SLC25A21: variants seen among roughly 807,000 people sequenced by gnomAD.
SLC25A21 encodes solute carrier family 25 member 21, also known as mitochondrial 2-oxodicarboxylate carrier.
Under a neutral mutation model 43.8 loss-of-function variants are expected in SLC25A21, and 47 were observed. The observed-to-expected ratio is 1.07, with a 90% CI of 0.85 to 1.37. SLC25A21 has a LOEUF of 1.37. Among genes scored for constraint, SLC25A21 ranks in the 40% most tolerant of loss-of-function variants. The pLI, the probability that SLC25A21 is intolerant of heterozygous loss-of-function variation, is 0.00. For synonymous variants in SLC25A21, 131 were observed against 121.3 expected (o/e 1.08, Z -0.52); for missense variants, 352 against 350.2 (o/e 1.00, Z -0.04).
At chr14:37,090,600 A>G (rs1353113189) in intron 1 of SLC25A21, among the ~76,000 whole-genome samples, 2 of 151,948 alleles carry the variant, frequency 1.3e-5, no homozygotes, top group Admixed American at 1.3e-4. Flanking sequence ...ATTTCAGAGA[A>G]GCTAGAAAAG....
At chr14:36,829,858 C>T (rs1361236200) in intron 2 of SLC25A21, among the ~76,000 whole-genome samples, 1 of 152,168 alleles carries the variant, frequency 6.6e-6, no homozygotes, top group Non-Finnish European at 1.5e-5. Flanking sequence ...AGTACACCTT[C>T]ATATTTTCTG....
chr14:37,039,097 T>A (rs1961390478), intron 1 of SLC25A21, among the ~76,000 whole-genome samples: 2 of 152,066 alleles, frequency 1.3e-5, no homozygotes, highest in Admixed American at 1.3e-4. Context: ...AGCTATCAAG[T>A]AAGGAACAAG....
At chr14:36,933,364 G>A (rs1043396011) in intron 1 of SLC25A21, among the ~76,000 whole-genome samples, 7 of 152,058 alleles carry the variant, frequency 4.6e-5, no homozygotes, top group Non-Finnish European at 7.4e-5. Context: ...ATCCCCTGAA[G>A]GCTATGCTAC....
At chr14:36,899,145 T>C (rs1891332626) in intron 1 of SLC25A21, among the ~76,000 whole-genome samples, 1 of 152,094 alleles carries the variant, frequency 6.6e-6, no homozygotes, top group Non-Finnish European at 1.5e-5. Flanking sequence ...ATCCCAGCAC[T>C]ATGGGAGGCC....
intron 1 of SLC25A21, among the ~76,000 whole-genome samples, chr14:37,028,668 T>G (rs963223277): frequency 3.3e-5 from 5 of 152,198 alleles, no homozygotes; most frequent in African/African-American, 1.2e-4. Context: ...AACATTAAAG[T>G]ATTTTTGAAC....
intron 1 of SLC25A21, among the ~76,000 whole-genome samples, chr14:36,998,123 A>C (rs1960412111): frequency 6.6e-6 from 1 of 152,178 alleles, no homozygotes; most frequent in Non-Finnish European, 1.5e-5. Flanking sequence ...TTATTATTTT[A>C]AGTTTCTATT....
intron 7 of SLC25A21, among the ~76,000 whole-genome samples, chr14:36,697,225 T>C (rs910271566): frequency 6.6e-6 from 1 of 152,188 alleles, no homozygotes; most frequent in African/African-American, 2.4e-5. Context: ...CAGTTTTGAG[T>C]GAGTTTCTTA....
intron 7 of SLC25A21, among the ~76,000 whole-genome samples, chr14:36,706,286 C>T (rs921194065): frequency 3.9e-5 from 6 of 152,306 alleles, no homozygotes; most frequent in African/African-American, 1.2e-4. Flanking sequence ...AATTACTTTG[C>T]ATATTATTTG....
chr14:36,893,396 G>GTTTGTT (rs538777752), intron 1 of SLC25A21, among the ~76,000 whole-genome samples: 3 of 150,982 alleles, frequency 2.0e-5, no homozygotes, highest in East Asian at 1.9e-4. Context: ...TGATGGGGTT[G>GTTTGTT]TTTTTCTTGT....
At chr14:36,839,041 T>C (rs1566662935) in intron 2 of SLC25A21, among the ~76,000 whole-genome samples, 1 of 152,268 alleles carries the variant, frequency 6.6e-6, no homozygotes, top group Non-Finnish European at 1.5e-5. Context: ...CTACTACATT[T>C]ACTCTATTTT....
chr14:36,752,373 T>C (rs1410166150), intron 3 of SLC25A21, among the ~76,000 whole-genome samples: 3 of 152,196 alleles, frequency 2.0e-5, no homozygotes, highest in Admixed American at 2.0e-4. Context: ...ATTTACCATA[T>C]GATCCAGCAA....
intron 1 of SLC25A21, among the ~76,000 whole-genome samples, chr14:37,003,458 G>A (rs984577599): frequency 1.8e-4 from 27 of 152,146 alleles, no homozygotes; most frequent in African/African-American, 6.5e-4. Context: ...GCAAAACTGC[G>A]GATAAGAGGG....
chr14:36,876,501 C>T (rs1486330247), intron 1 of SLC25A21, among the ~76,000 whole-genome samples: 1 of 152,126 alleles, frequency 6.6e-6, no homozygotes, highest in Non-Finnish European at 1.5e-5. Flanking sequence ...GCCACAGGAT[C>T]GCTGGACATG....
At chr14:37,032,274 G>A (rs1461765597) in intron 1 of SLC25A21, among the ~76,000 whole-genome samples, 2 of 152,086 alleles carry the variant, frequency 1.3e-5, no homozygotes, top group Admixed American at 6.6e-5. Flanking sequence ...GGTGGCTCAC[G>A]CTTGTAATCC....
intron 1 of SLC25A21, among the ~76,000 whole-genome samples, chr14:36,903,812 T>A (rs1402633566): frequency 6.6e-6 from 1 of 152,102 alleles, no homozygotes; most frequent in Non-Finnish European, 1.5e-5. Context: ...TGAAGCCAGC[T>A]CCCTTGCTTC....
chr14:36,891,399 G>A (rs899834959), intron 1 of SLC25A21, among the ~76,000 whole-genome samples: 2 of 152,128 alleles, frequency 1.3e-5, no homozygotes, highest in Non-Finnish European at 1.5e-5. Flanking sequence ...TATTCACTCA[G>A]TGACTGGATT....
intron 1 of SLC25A21, among the ~76,000 whole-genome samples, chr14:37,024,842 G>C (rs1413143419): frequency 1.3e-5 from 2 of 151,850 alleles, no homozygotes; most frequent in Non-Finnish European, 2.9e-5. Flanking sequence ...TATATATCTA[G>C]CTTCAGAAAT....
chr14:37,036,952 C>T (rs2138776889), intron 1 of SLC25A21, among the ~76,000 whole-genome samples: 1 of 152,302 alleles, frequency 6.6e-6, no homozygotes, highest in Middle Eastern at 3.4e-3. Context: ...GTTTACTTAG[C>T]TAGCCCTGTC....
chr14:37,036,720 A>G (rs913693160), intron 1 of SLC25A21, among the ~76,000 whole-genome samples: 2 of 152,232 alleles, frequency 1.3e-5, no homozygotes, highest in Non-Finnish European at 2.9e-5. Context: ...TTGAAGTTCA[A>G]TTCACCCAAA....
Sources: gnomAD v4.1 joint callset for allele counts (sites outside exome capture counted in the v4.1 genomes callset) on GRCh38, gnomAD v4.1.1 for gene constraint, MANE v1.5 for transcripts, NCBI Gene and HGNC (gene_info 2026-07-23, HGNC 2026-07-21) for gene names.